ARL15: variants seen among roughly 807,000 people sequenced by gnomAD.
ARL15 encodes the protein ADP-ribosylation factor-like protein 15.
A neutral mutation model predicts 25.2 loss-of-function variants in ARL15; 19 were observed. That is an observed-to-expected ratio of 0.75 (90% CI 0.53 to 1.10). The LOEUF is 1.10. Ranked by LOEUF, ARL15 falls within the 50% of genes least tolerant of loss-of-function variation. The pLI is 0.00. For synonymous variants in ARL15, 94 were observed against 86.8 expected, an observed-to-expected ratio of 1.08 and a Z score of -0.46; for missense variants, 220 against 246.0, an observed-to-expected ratio of 0.89 and a Z score of 0.71.
In ARL15 at chr5:53,899,347, CAAAAAAAAAAAAAAAAAAAAAAAAA is replaced by C. The variant is rs59145507; in HGVS notation, c.463-12659_463-12635del. ...TGGGTAACAGAGTGAGACTCTATCC[CAAAAAAAAAAAAAAAAAAAAAAAAA>C]AAAAAAAAAAAAAAATAGATTTGTC... On this transcript the variant is annotated intron_variant, in intron 4 of 4. Transcript: ENST00000504924. 3.4e-3 allele frequency among the ~76,000 whole-genome samples: 300 copies of C among 89,390 alleles called. 2 individuals are homozygous for C. The highest frequency in any genetic ancestry group is 0.014 in the African/African-American group (266 of 18,372). The allele number at this position is 89,390 out of a possible 152,430, so 58.6% of individuals were successfully genotyped here.
At chr5:54,219,261 A>C (rs1276111285) in intron 1 of ARL15, among the ~76,000 whole-genome samples, 1 of 152,192 alleles carries the variant, frequency 6.6e-6, no homozygotes, top group African/African-American at 2.4e-5. Context: ...AAAACACATA[A>C]AAGTAAAGTT....
chr5:54,013,738 A>G (rs958680001), intron 4 of ARL15, among the ~76,000 whole-genome samples: 1 of 152,062 alleles, frequency 6.6e-6, no homozygotes, highest in African/African-American at 2.4e-5. Context: ...TCATGACTCA[A>G]CCAGTTCTGT....
rs72756244 is a variant in ARL15, at chr5:54,271,792, A to G, written c.48+38640T>C. 9.7e-3 allele frequency among the ~76,000 whole-genome samples: 1,482 copies of G among 152,274 alleles called. 9 individuals are homozygous for G. The highest frequency in any genetic ancestry group is 0.021 in the Middle Eastern group (6 of 292). On this transcript the variant is annotated intron_variant, in intron 1 of 4. Transcript: ENST00000504924. Reference sequence around the variant, plus strand: ...CATTCAGATTCACCTTATATAATACATTAAGTCACTGTTTAAATAAGTTTA... The same window carrying G: ...CATTCAGATTCACCTTATATAATACGTTAAGTCACTGTTTAAATAAGTTTA...
At chr5:54,111,116 A>G (rs372620549) in intron 4 of ARL15, among the ~76,000 whole-genome samples, 1 of 152,088 alleles carries the variant, frequency 6.6e-6, no homozygotes, top group African/African-American at 2.4e-5. Context: ...ATGCACCTGT[A>G]TGGTATATGT....
At chr5:54,086,797 C>T (rs1751976644) in intron 4 of ARL15, among the ~76,000 whole-genome samples, 1 of 152,114 alleles carries the variant, frequency 6.6e-6, no homozygotes, top group African/African-American at 2.4e-5. Context: ...TTTTTCTAGG[C>T]TCTGGGTTTG....
chr5:54,173,185 GAAAA>G (rs551489130), intron 1 of ARL15, among the ~76,000 whole-genome samples: 2 of 121,042 alleles, frequency 1.7e-5, no homozygotes, highest in Non-Finnish European at 3.4e-5. Context: ...CTCCATCTCA[GAAAA>G]AAAAAAAAAA....
rs144453490 is a variant in ARL15 at position 54,256,544 on chromosome 5, G to C, written c.48+53888C>G. Among the ~76,000 whole-genome samples, 547 of 145,252 alleles carry C rather than the reference G, an allele frequency of 3.8e-3. 2 individuals are homozygous for C. The highest frequency in any genetic ancestry group is 0.014 in the African/African-American group (530 of 39,052). On this transcript the variant is annotated intron_variant, in intron 1 of 4. Transcript: ENST00000504924. Reference sequence around the variant, plus strand: ...GAAACTATGCCAAAAGACTGAGAAAGACGGAATCCTCTCTAACTCAGTCTA... The same window carrying C: ...GAAACTATGCCAAAAGACTGAGAAACACGGAATCCTCTCTAACTCAGTCTA...
intron 3 of ARL15, among the ~76,000 whole-genome samples, chr5:54,118,037 G>A (rs1752959587): frequency 1.3e-5 from 2 of 152,128 alleles, no homozygotes; most frequent in South Asian, 4.1e-4. Context: ...ACGAATGCAT[G>A]ATGTTACAAA....
chr5:53,915,597 G>T (rs1745615246), intron 4 of ARL15, among the ~76,000 whole-genome samples: 1 of 152,148 alleles, frequency 6.6e-6, no homozygotes, highest in Admixed American at 6.5e-5. Flanking sequence ...GTGGAGAATA[G>T]GCTGTTTCTG....
intron 3 of ARL15, among the ~76,000 whole-genome samples, chr5:54,149,290 G>A (rs1232322976): frequency 6.6e-6 from 1 of 152,108 alleles, no homozygotes; most frequent in Non-Finnish European, 1.5e-5. Flanking sequence ...CCAAAACTAT[G>A]CTAGGTAGCT....
rs377297665 is a variant in ARL15, at chr5:53,934,139, TATAAA to T, written c.463-47431_463-47427del. ...GCTCAGTACATGCATATAGCTGGTC[TATAAA>T]ATATTTCCTCTGGAGTGTTAACCCT... On this transcript the variant is annotated intron_variant, in intron 4 of 4. Coordinates refer to ENST00000504924, the MANE Select transcript of ARL15 (RefSeq NM_019087.3). Among the ~76,000 whole-genome samples, 745 of 152,336 alleles carry T rather than the reference TATAAA, an allele frequency of 4.9e-3. 2 individuals carry two copies. The highest frequency in any genetic ancestry group is 8.8e-3 in the Admixed American group (134 of 15,296).
At chr5:53,961,795 T>A (rs1387486259) in intron 4 of ARL15, among the ~76,000 whole-genome samples, 2 of 152,210 alleles carry the variant, frequency 1.3e-5, no homozygotes, top group East Asian at 3.9e-4. Flanking sequence ...GGAGTCTGTG[T>A]TGGCATGTAT....
intron 4 of ARL15, among the ~76,000 whole-genome samples, chr5:54,001,762 T>A (rs1350765777): frequency 1.3e-5 from 2 of 152,214 alleles, no homozygotes; most frequent in Non-Finnish European, 2.9e-5. Context: ...CAACAATGGC[T>A]GAAGGAACAT....
At chr5:54,103,278 C>T (rs1217141495) in intron 4 of ARL15, among the ~76,000 whole-genome samples, 1 of 151,924 alleles carries the variant, frequency 6.6e-6, no homozygotes, top group Admixed American at 6.6e-5. Context: ...ACAGCAAAGA[C>T]CATAACAGGC....
intron 1 of ARL15, among the ~76,000 whole-genome samples, chr5:54,249,805 T>C (rs1451680267): frequency 6.6e-6 from 1 of 151,946 alleles, no homozygotes; most frequent in Non-Finnish European, 1.5e-5. Context: ...AATTAATCAG[T>C]ATCAAAGCCA....
intron 4 of ARL15, among the ~76,000 whole-genome samples, chr5:53,909,755 T>C (rs546216632): frequency 1.3e-5 from 2 of 152,046 alleles, no homozygotes; most frequent in South Asian, 2.1e-4. Flanking sequence ...AACATACACA[T>C]GAACACATCA....
chr5:54,199,357 G>C (rs1755647320), intron 1 of ARL15, among the ~76,000 whole-genome samples: 1 of 151,440 alleles, frequency 6.6e-6, no homozygotes, highest in South Asian at 2.1e-4. Context: ...AGAGTGAACA[G>C]GCAACCCACA....
chr5:54,014,660 A>G (rs1749354399), intron 4 of ARL15, among the ~76,000 whole-genome samples: 1 of 152,006 alleles, frequency 6.6e-6, no homozygotes, highest in Admixed American at 6.6e-5. Flanking sequence ...AGCTGGGATT[A>G]CAGGCACACG....
At chr5:54,202,357 T>C (rs535628485) in intron 1 of ARL15, among the ~76,000 whole-genome samples, 12 of 152,252 alleles carry the variant, frequency 7.9e-5, no homozygotes, top group Non-Finnish European at 1.5e-4. Context: ...GTAGGCTCAA[T>C]GTAATCACAA....
Sources: gnomAD v4.1 joint callset for allele counts (sites outside exome capture counted in the v4.1 genomes callset) on GRCh38, gnomAD v4.1.1 for gene constraint, MANE v1.5 for transcripts, NCBI Gene and HGNC (gene_info 2026-07-23, HGNC 2026-07-21) for gene names.